Variants in LRMDA observed in about 807,000 individuals in gnomAD.
LRMDA encodes the protein leucine rich melanocyte differentiation associated.
In LRMDA, 18 loss-of-function variants were observed where a neutral mutation model predicts 29.8. That is an observed-to-expected ratio of 0.60 (90% confidence interval 0.42 to 0.90). LRMDA has a LOEUF of 0.90. LRMDA is among the 40% of genes least tolerant of loss of function. The pLI is 0.00. For missense variants in LRMDA, 273 were observed against 273.9 expected (o/e 1.00, Z 0.02); for synonymous variants, 125 against 109.4 (o/e 1.14, Z -0.89).
intron 2 of LRMDA, among the ~76,000 whole-genome samples, chr10:75,677,951 A>G (rs573674820): frequency 6.6e-6 from 1 of 152,334 alleles, no homozygotes; most frequent in South Asian, 2.1e-4. Context: ...ATTGGATGGT[A>G]AAGATTCAGT....
intron 2 of LRMDA, among the ~76,000 whole-genome samples, chr10:75,447,150 G>A (rs1844405376): frequency 6.6e-6 from 1 of 152,166 alleles, no homozygotes; most frequent in African/African-American, 2.4e-5. Context: ...TAGGAGGCAA[G>A]GTTCTATGTA....
chr10:75,592,621 C>T (rs1219654760), intron 2 of LRMDA, among the ~76,000 whole-genome samples: 1 of 152,194 alleles, frequency 6.6e-6, no homozygotes, highest in East Asian at 1.9e-4. Flanking sequence ...GCTCTACCGT[C>T]GTCGGGCATA....
In LRMDA at chr10:75,798,810, G is replaced by A. The variant is rs576906920; in HGVS notation, c.132-237198G>A. Among the ~76,000 whole-genome samples the A allele has an allele frequency of 3.3e-5, 5 of 151,602 alleles. No homozygotes were observed. The East Asian group carries it at 9.7e-4, about 29-fold the overall frequency. ...CAAGTTCTGACTTTATTCTATTGTT[G>A]ACCCTGATCTGATCACTATATACAT... On this transcript the variant is annotated intron_variant, in intron 2 of 6. Transcript: ENST00000611255.
chr10:76,299,266 T>C (rs556042933), intron 5 of LRMDA, among the ~76,000 whole-genome samples: 1 of 151,978 alleles, frequency 6.6e-6, no homozygotes, highest in Admixed American at 6.6e-5. Context: ...TTCTCAGGAG[T>C]CCTGCAGTTT....
intron 2 of LRMDA, among the ~76,000 whole-genome samples, chr10:76,010,390 G>T (rs1400513304): frequency 6.7e-6 from 1 of 148,444 alleles, no homozygotes; most frequent in Non-Finnish European, 1.5e-5. Flanking sequence ...TCAACTCACT[G>T]CAACCTCCGC....
chr10:75,921,894 C>T (rs780794081), intron 2 of LRMDA, among the ~76,000 whole-genome samples: 1 of 152,272 alleles, frequency 6.6e-6, no homozygotes, highest in Middle Eastern at 3.4e-3. Context: ...ATTCCCTTGC[C>T]CACCTCTATT....
chr10:76,030,131 G>A (rs904073608), intron 2 of LRMDA, among the ~76,000 whole-genome samples: 1 of 152,104 alleles, frequency 6.6e-6, no homozygotes, highest in Non-Finnish European at 1.5e-5. Flanking sequence ...TGATGTCAGT[G>A]TACACTCTGT....
intron 6 of LRMDA, among the ~76,000 whole-genome samples, chr10:76,422,370 TTTA>T (rs1842080014): frequency 6.6e-6 from 1 of 152,092 alleles, no homozygotes; most frequent in Non-Finnish European, 1.5e-5. Context: ...GCTCAGCATT[TTTA>T]GTTTTTCTCA....
chr10:75,727,219 A>G (rs951211956), intron 2 of LRMDA, among the ~76,000 whole-genome samples: 3 of 152,106 alleles, frequency 2.0e-5, no homozygotes, highest in Non-Finnish European at 4.4e-5. Context: ...TGCTGTGTGC[A>G]TGTTTCTGTG....
intron 6 of LRMDA, among the ~76,000 whole-genome samples, chr10:76,385,133 C>T (rs933904942): frequency 1.3e-5 from 2 of 152,212 alleles, no homozygotes; most frequent in Admixed American, 1.3e-4. Flanking sequence ...TGGTTTTCAA[C>T]TCTTTCCCAT....
In LRMDA at chr10:75,920,037, G is replaced by A. The variant is rs537633790; in HGVS notation, c.132-115971G>A. On this transcript the variant is annotated intron_variant, in intron 2 of 6. Coordinates refer to ENST00000611255, the MANE Select transcript of LRMDA (RefSeq NM_001305581.2). ...AATCCCTTGAGTTGAGCTTAGTCCAGTTTTTCAGTTTTCTTCTGCAGCTGA... is the reference window on the plus strand; with the variant it reads ...AATCCCTTGAGTTGAGCTTAGTCCAATTTTTCAGTTTTCTTCTGCAGCTGA... Among the ~76,000 whole-genome samples, 278 of 152,210 alleles carry A rather than the reference G, an allele frequency of 1.8e-3. 3 individuals are homozygous for A. Among genetic ancestry groups the A allele is most frequent in the African/African-American group, 6.1e-3 (253 of 41,528 alleles).
chr10:75,438,971 G>A (rs1303876696), intron 2 of LRMDA, among the ~76,000 whole-genome samples: 1 of 152,096 alleles, frequency 6.6e-6, no homozygotes, highest in African/African-American at 2.4e-5. Flanking sequence ...TTTATGAATG[G>A]GAGCTTTAAA....
intron 2 of LRMDA, among the ~76,000 whole-genome samples, chr10:75,562,429 G>C (rs1246363442): frequency 6.6e-6 from 1 of 152,022 alleles, no homozygotes. Context: ...GTGTGTCTCT[G>C]CACGTGAGAT....
chr10:75,570,232 A>C (rs1840422005), intron 2 of LRMDA, among the ~76,000 whole-genome samples: 1 of 152,206 alleles, frequency 6.6e-6, no homozygotes, highest in South Asian at 2.1e-4. Flanking sequence ...CCTAGATTGT[A>C]AGAGACTATG....
chr10:76,225,630 A>G (rs899262009), intron 5 of LRMDA, among the ~76,000 whole-genome samples: 1 of 151,962 alleles, frequency 6.6e-6, no homozygotes, highest in Non-Finnish European at 1.5e-5. Context: ...ATCTGTACAT[A>G]CATTGGCTCC....
intron 6 of LRMDA, among the ~76,000 whole-genome samples, chr10:76,359,607 C>T (rs1841286369): frequency 6.6e-6 from 1 of 152,140 alleles, no homozygotes; most frequent in African/African-American, 2.4e-5. Flanking sequence ...CAGTACTATC[C>T]TTCAGTTTGC....
intron 6 of LRMDA, among the ~76,000 whole-genome samples, chr10:76,459,499 A>G (rs1032786166): frequency 3.9e-5 from 6 of 152,188 alleles, no homozygotes; most frequent in African/African-American, 1.4e-4. Context: ...TCTGCCCCAA[A>G]ATACAAAACC....
intron 2 of LRMDA, among the ~76,000 whole-genome samples, chr10:75,914,553 C>T (rs1012306919): frequency 6.6e-6 from 1 of 152,204 alleles, no homozygotes; most frequent in African/African-American, 2.4e-5. Context: ...TGAATGCTGT[C>T]TCCCAATATC....
chr10:75,622,628 C>T (rs979094628), intron 2 of LRMDA, among the ~76,000 whole-genome samples: 3 of 152,148 alleles, frequency 2.0e-5, no homozygotes, highest in South Asian at 2.1e-4. Flanking sequence ...GAGTCACAGA[C>T]GCATTCTTAA....
Sources: gnomAD v4.1 joint callset for allele counts (sites outside exome capture counted in the v4.1 genomes callset) on GRCh38, gnomAD v4.1.1 for gene constraint, MANE v1.5 for transcripts, NCBI Gene and HGNC (gene_info 2026-07-23, HGNC 2026-07-21) for gene names.